CSTF1: variants seen among roughly 807,000 people sequenced by gnomAD.
CSTF1 encodes CF-1 50 kDa subunit.
CSTF1 carries 2 observed loss-of-function variants against 40.9 expected under a neutral mutation model. The observed-to-expected ratio is 0.05, with a 90% CI of 0.02 to 0.15. The LOEUF is 0.15. CSTF1 is among the 10% of genes least tolerant of loss of function. The probability of loss-of-function intolerance (pLI) is 1.00; values close to 1 mark genes in which losing one functional copy is unlikely to be tolerated. For missense variants in CSTF1, 279 were observed against 558.9 expected, an observed-to-expected ratio of 0.50 and a Z score of 5.05; for synonymous variants, 218 against 207.2, an observed-to-expected ratio of 1.05 and a Z score of -0.45.
rs1377058605 is a variant in CSTF1 at position 56,399,775 on chromosome 20, A to G, written c.1036+418A>G. 1.3e-5 allele frequency among the ~76,000 whole-genome samples: 2 copies of G among 152,228 alleles called. No individual in the cohort carries two copies. Among genetic ancestry groups the G allele is most frequent in the African/African-American group, 4.8e-5 (2 of 41,456 alleles). ...AGAGGGAAGATCTTATCCCATTCCTAAGAGAGCAGACCTAGCCCGCAAAGG... is the reference window on the plus strand; with the variant it reads ...AGAGGGAAGATCTTATCCCATTCCTGAGAGAGCAGACCTAGCCCGCAAAGG... On this transcript the variant is annotated intron_variant, in intron 5 of 5. Transcript: ENST00000217109. The surrounding 1 kb of genome is among the most constrained non-coding windows in gnomAD (Gnocchi z 4.6).
chr20:56,393,143 C>CACATAT (rs1330207239), intron 1 of CSTF1, among the ~76,000 whole-genome samples: 1 of 126,440 alleles, frequency 7.9e-6, no homozygotes, highest in African/African-American at 3.0e-5. Context: ...CACACACACA[C>CACATAT]ACATATACAT....
chr20:56,402,183 T>C (rs1000903261), intron 5 of CSTF1, among the ~76,000 whole-genome samples: 1 of 152,050 alleles, frequency 6.6e-6, no homozygotes, highest in Non-Finnish European at 1.5e-5. Context: ...GGCACATGCC[T>C]GTAATCCCAG....
At position 56,399,774 on chromosome 20, in the gene CSTF1, T is replaced by C. The variant is rs1463176732; in HGVS notation, c.1036+417T>C. 1.3e-5 allele frequency among the ~76,000 whole-genome samples: 2 copies of C among 152,212 alleles called. No individual in the cohort carries two copies. The highest frequency in any genetic ancestry group is 1.9e-4 in the East Asian group (1 of 5,206). The stretch of plus-strand genomic sequence containing the variant: ...GAGAGGGAAGATCTTATCCCATTCC[T>C]AAGAGAGCAGACCTAGCCCGCAAAG... On this transcript the variant is annotated intron_variant, in intron 5 of 5. Transcript: ENST00000217109. This position sits in a 1 kb window ranked among gnomAD's most constrained non-coding sequence, Gnocchi z 4.6.
rs1320908852 is a variant in CSTF1, at chr20:56,397,505, C to G, written c.447+21C>G. 5 of 1,605,784 alleles carry G rather than the reference C, an allele frequency of 3.1e-6. No individual in the cohort carries two copies. In the African/African-American group the frequency reaches 6.7e-5, roughly 22 times the overall value. ...TAGAGGTAAAAATTCCAGTCACATA[C>G]TTATTGATTGCCTTCTGTTTTTCAT... On this transcript the variant is annotated intron_variant, in intron 3 of 5. Coordinates refer to ENST00000217109, the MANE Select transcript of CSTF1 (RefSeq NM_001324.3). The surrounding 1 kb of genome is among the most constrained non-coding windows in gnomAD (Gnocchi z 4.4).
chr20:56,402,376 C>G (rs1978498104), intron 5 of CSTF1, among the ~76,000 whole-genome samples: 1 of 151,814 alleles, frequency 6.6e-6, no homozygotes, highest in Non-Finnish European at 1.5e-5. Flanking sequence ...AGAGTATTCA[C>G]CAAAGTATTG....
In CSTF1 at chr20:56,405,578, C is replaced by T. The variant is rs1280898250; in HGVS notation, c.*1851C>T. On this transcript the variant is annotated 3_prime_UTR_variant, in exon 6 of 6. Transcript: ENST00000217109. ...TAGTCATCCTTGAGGATCGTTTTAA[C>T]TCCTTGATCTGTAAAACTGTCTTAA... The T allele has an allele frequency of 6.6e-6, 1 of 152,228 alleles. No homozygotes were observed. Among genetic ancestry groups the T allele is most frequent in the Non-Finnish European group, 1.5e-5 (1 of 68,050 alleles). The allele number at this position is 152,228 out of a possible 1,614,324, so 9.4% of individuals were successfully genotyped here.
chr20:56,392,896 C>CGAG (rs1987316516), intron 1 of CSTF1, 183 bp downstream of exon 1: 1 of 152,190 alleles, frequency 6.6e-6, no homozygotes, highest in Non-Finnish European at 1.5e-5. Flanking sequence ...GGCCTCGCTT[C>CGAG]CATTCCCACC....
In CSTF1 at chr20:56,399,520, T is replaced by C; in HGVS notation, c.1036+163T>C. ...AAACCAAGACTTACAGGTTAAGTCA[T>C]TTAGCCAAGGCTACACGACTTGGAA... On this transcript the variant is annotated intron_variant, in intron 5 of 5. Transcript: ENST00000217109. The surrounding 1 kb of genome is among the most constrained non-coding windows in gnomAD (Gnocchi z 4.6). Among the ~76,000 whole-genome samples, 1 of 152,180 alleles carries C rather than the reference T, an allele frequency of 6.6e-6. No homozygotes were observed. Among genetic ancestry groups the C allele is most frequent in the Admixed American group, 6.5e-5 (1 of 15,280 alleles).
chr20:56,402,604 A>G (rs764638210), intron 5 of CSTF1, among the ~76,000 whole-genome samples: 3 of 152,178 alleles, frequency 2.0e-5, no homozygotes, highest in Non-Finnish European at 2.9e-5. Flanking sequence ...TTACAACATT[A>G]CTTATAATTG....
chr20:56,396,871 A>G, intron 2 of CSTF1: 1 of 206,278 alleles, frequency 4.8e-6, no homozygotes, highest in Non-Finnish European at 9.6e-6. Flanking sequence ...TAAAATTTGG[A>G]ATGGAAAAAA....
intron 2 of CSTF1, chr20:56,395,963 A>G: frequency 2.4e-6 from 1 of 408,236 alleles, no homozygotes; most frequent in Non-Finnish European, 4.4e-6. Context: ...ATTATCTGGA[A>G]CACTCTGTCA....
intron 2 of CSTF1, among the ~76,000 whole-genome samples, chr20:56,396,142 T>C (rs1987512116): frequency 6.6e-6 from 1 of 152,186 alleles, no homozygotes; most frequent in African/African-American, 2.4e-5. Context: ...TTGGGCTGTT[T>C]CCCATGGGAT....
At chr20:56,402,321 A>AAG (rs1421804439) in intron 5 of CSTF1, among the ~76,000 whole-genome samples, 16 of 145,244 alleles carry the variant, frequency 1.1e-4, no homozygotes, top group East Asian at 1.9e-4. Flanking sequence ...AAAAAAAAAA[A>AAG]AGAGAGAATT....
At chr20:56,393,690 G>A (rs939066161) in intron 1 of CSTF1, among the ~76,000 whole-genome samples, 1 of 151,930 alleles carries the variant, frequency 6.6e-6, no homozygotes, top group African/African-American at 2.4e-5. Context: ...TTATGGGACG[G>A]TGAACGGAGG....
rs1978374429 is a variant in CSTF1 at position 56,399,767 on chromosome 20, C to T, written c.1036+410C>T. Among the ~76,000 whole-genome samples the T allele has an allele frequency of 6.6e-6, 1 of 152,054 alleles. No individual in the cohort carries two copies. The highest frequency in any genetic ancestry group is 6.6e-5 in the Admixed American group (1 of 15,264). ...AATGGCTGAGAGGGAAGATCTTATC[C>T]CATTCCTAAGAGAGCAGACCTAGCC... On this transcript the variant is annotated intron_variant, in intron 5 of 5. Transcript: ENST00000217109. The surrounding 1 kb of genome is among the most constrained non-coding windows in gnomAD (Gnocchi z 4.6).
At chr20:56,393,891 C>T (rs1987420303) in intron 1 of CSTF1, among the ~76,000 whole-genome samples, 1 of 152,172 alleles carries the variant, frequency 6.6e-6, no homozygotes, top group Non-Finnish European at 1.5e-5. Context: ...TTCCCGCCTG[C>T]TGTTCTCCAG....
At chr20:56,395,896 G>C (rs573794659) in intron 2 of CSTF1, 175 bp downstream of exon 2, 12 of 630,574 alleles carry the variant, frequency 1.9e-5, no homozygotes, top group South Asian at 6.3e-5. Flanking sequence ...AAGGGGTAAA[G>C]CAAAGTTCAG....
At position 56,397,107 on chromosome 20, in the gene CSTF1, C is replaced by T; in HGVS notation, c.170-100C>T. On this transcript the variant is annotated intron_variant, in intron 2 of 5. Transcript: ENST00000217109. This position sits in a 1 kb window ranked among gnomAD's most constrained non-coding sequence, Gnocchi z 4.4. Reference sequence around the variant, plus strand: ...GCGGCTCCAAGAAATAGGAGGTTGACACTGGTGAGCATCTTTCCAGTTTGG... The same window carrying T: ...GCGGCTCCAAGAAATAGGAGGTTGATACTGGTGAGCATCTTTCCAGTTTGG... The T allele has an allele frequency of 2.4e-6, 3 of 1,272,674 alleles. No individual in the cohort carries two copies. The highest frequency in any genetic ancestry group is 3.3e-6 in the Non-Finnish European group (3 of 912,312). The allele number at this position is 1,272,674 out of a possible 1,614,324, so 78.8% of individuals were successfully genotyped here.
chr20:56,403,139 A>T (rs1978537827), intron 5 of CSTF1, among the ~76,000 whole-genome samples: 1 of 152,048 alleles, frequency 6.6e-6, no homozygotes, highest in Non-Finnish European at 1.5e-5. Flanking sequence ...ACATTAGGAC[A>T]GTAACAGTAT....
Sources: allele counts gnomAD v4.1 joint callset (sites outside exome capture counted in the v4.1 genomes callset), GRCh38; gene constraint gnomAD v4.1.1; non-coding constraint Gnocchi (gnomAD v3.1); transcripts MANE v1.5; gene names NCBI Gene and HGNC (gene_info 2026-07-23, HGNC 2026-07-21).